Variants in SCNN1B observed in about 807,000 individuals in gnomAD.
SCNN1B encodes the protein epithelial sodium channel subunit beta.
In SCNN1B, 46 loss-of-function variants were observed where a neutral mutation model predicts 65.3. The observed-to-expected ratio is 0.70, with a 90% CI of 0.56 to 0.90. The LOEUF (loss-of-function observed/expected upper bound fraction) is 0.90, where lower values mean the gene tolerates loss of function less well. SCNN1B is among the 40% of genes least tolerant of loss of function. The pLI is 0.00. For synonymous variants in SCNN1B, 349 were observed against 330.6 expected, an observed-to-expected ratio of 1.06 and a Z score of -0.60; for missense variants, 751 against 830.5, an observed-to-expected ratio of 0.90 and a Z score of 1.18.
intron 7 of SCNN1B, among the ~76,000 whole-genome samples, chr16:23,373,227 G>A (rs546852259): frequency 2.1e-4 from 32 of 152,250 alleles, no homozygotes; most frequent in African/African-American, 7.2e-4. Context: ...CAAGCAATCC[G>A]CCTGCCTCAG....
chr16:23,355,393 T>G lies in SCNN1B; in HGVS notation c.680T>G (p.Phe227Cys). Reference protein sequence around the residue: ...EWYILQATNIFAQVPQQELVE... With the variant: ...EWYILQATNICAQVPQQELVE... Reference sequence around the variant, plus strand: ...TACATCCTGCAGGCCACCAACATCTTTGCACAGGTGCCACAGCAGGAGCTA... The same window carrying G: ...TACATCCTGCAGGCCACCAACATCTGTGCACAGGTGCCACAGCAGGAGCTA... The change falls in exon 4 of 13, where the codon TTT becomes TGT. Residue 227 changes from phenylalanine (F) to cysteine (C), a missense_variant. Physicochemically the swap from Phe to Cys is radical, Grantham distance 205. Transcript: ENST00000343070. The G allele has an allele frequency of 6.2e-7, 1 of 1,614,168 alleles. No homozygotes were observed. Among genetic ancestry groups the G allele is most frequent in the Non-Finnish European group, 8.5e-7 (1 of 1,180,028 alleles).
chr16:23,287,345 T>C (rs1244722219), intron 2 of SCNN1B, among the ~76,000 whole-genome samples: 2 of 151,964 alleles, frequency 1.3e-5, no homozygotes, highest in Non-Finnish European at 2.9e-5. Context: ...TATGATAAAA[T>C]GCAATTTGTG....
Position 23,371,098 on chromosome 16 carries a change from G to A in SCNN1B, c.881-201G>A, listed in dbSNP as rs139183149. Among the ~76,000 whole-genome samples, 1,030 of 152,316 alleles carry A rather than the reference G, an allele frequency of 6.8e-3. 2 individuals are homozygous for A. Among genetic ancestry groups the A allele is most frequent in the Non-Finnish European group, 0.012 (804 of 68,012 alleles). ...AAGAGACACCTAGGGAGGAGGCTAC[G>A]TAAGAGCCTGCCTTAGAGATGATGG... On this transcript the variant is annotated intron_variant, in intron 5 of 12. Transcript: ENST00000343070.
chr16:23,349,776 G>A (rs1042152856), intron 2 of SCNN1B, among the ~76,000 whole-genome samples: 3 of 151,974 alleles, frequency 2.0e-5, no homozygotes, highest in Non-Finnish European at 4.4e-5. Flanking sequence ...CACAAATATC[G>A]AATTCATCAT....
At chr16:23,279,187 C>T (rs1184444024) in intron 1 of SCNN1B, among the ~76,000 whole-genome samples, 1 of 152,004 alleles carries the variant, frequency 6.6e-6, no homozygotes, top group Non-Finnish European at 1.5e-5. Context: ...AGCAATTCTC[C>T]TGCCTCAACC....
chr16:23,379,035 G>A (rs550814186), intron 11 of SCNN1B, among the ~76,000 whole-genome samples: 13 of 146,660 alleles, frequency 8.9e-5, no homozygotes, highest in Middle Eastern at 3.3e-3. Context: ...ATCCACCCAC[G>A]CGCCCAGCCA....
intron 1 of SCNN1B, among the ~76,000 whole-genome samples, chr16:23,312,346 T>C (rs1199648768): frequency 6.6e-6 from 1 of 152,116 alleles, no homozygotes; most frequent in Non-Finnish European, 1.5e-5. Context: ...GGCTGTTTGT[T>C]TAACAGTTAA....
chr16:23,361,604 T>C (rs956044004), intron 4 of SCNN1B, among the ~76,000 whole-genome samples: 7 of 152,260 alleles, frequency 4.6e-5, no homozygotes, highest in Admixed American at 3.3e-4. Flanking sequence ...TTCCTTGTTA[T>C]CTATTCTCTT....
At chr16:23,291,835 C>T (rs1960929999) in intron 2 of SCNN1B, among the ~76,000 whole-genome samples, 1 of 151,772 alleles carries the variant, frequency 6.6e-6, no homozygotes, top group South Asian at 2.1e-4. Context: ...CCCACCTCGG[C>T]CTCCCAAAGT....
At position 23,348,952 on chromosome 16, in the gene SCNN1B, CG is replaced by C. The variant is rs1962250216; in HGVS notation, c.311+44del. On this transcript the variant is annotated intron_variant, in intron 2 of 12. Coordinates refer to ENST00000343070, the MANE Select transcript of SCNN1B (RefSeq NM_000336.3). This position sits in a 1 kb window ranked among gnomAD's most constrained non-coding sequence, Gnocchi z 4.5. ...TGCACAGCTGGCCTCAGCAGACAGGCGGTTCTCTTTCTCTCTTTTCTTCCCT... is the reference window on the plus strand; with the variant it reads ...TGCACAGCTGGCCTCAGCAGACAGGCGTTCTCTTTCTCTCTTTTCTTCCCT... 3 of 1,531,238 alleles carry C rather than the reference CG, an allele frequency of 2.0e-6. No individual in the cohort carries two copies. In the South Asian group the frequency reaches 3.4e-5, roughly 17 times the overall value. The allele number at this position is 1,531,238 out of a possible 1,614,324, so 94.9% of individuals were successfully genotyped here.
upstream of SCNN1B, among the ~76,000 whole-genome samples, chr16:23,301,182 G>A (rs906544033): frequency 6.6e-6 from 1 of 151,936 alleles, no homozygotes; most frequent in Non-Finnish European, 1.5e-5. Flanking sequence ...TGGCCAATAT[G>A]AAGAAAACCC....
At chr16:23,308,380 A>C (rs1428350799) in intron 1 of SCNN1B, among the ~76,000 whole-genome samples, 1 of 151,676 alleles carries the variant, frequency 6.6e-6, no homozygotes, top group Non-Finnish European at 1.5e-5. Context: ...AAAATTATCC[A>C]GGCATGGTGG....
At chr16:23,362,656 G>A (rs1962576031) in intron 4 of SCNN1B, among the ~76,000 whole-genome samples, 1 of 152,214 alleles carries the variant, frequency 6.6e-6, no homozygotes, top group African/African-American at 2.4e-5. Context: ...TGGGTGAAGA[G>A]TATTATCAAC....
intron 1 of SCNN1B, among the ~76,000 whole-genome samples, chr16:23,341,212 G>GTCT (rs1962049163): frequency 6.6e-6 from 1 of 152,086 alleles, no homozygotes; most frequent in African/African-American, 2.4e-5. Flanking sequence ...CAATTAAATG[G>GTCT]GAGAAAGAAT....
At chr16:23,321,899 C>T (rs1010580027) in intron 1 of SCNN1B, among the ~76,000 whole-genome samples, 11 of 152,046 alleles carry the variant, frequency 7.2e-5, no homozygotes, top group African/African-American at 2.2e-4. Context: ...GTGGTGTGCA[C>T]CTATAGTCCC....
At chr16:23,290,052 C>T (rs1368552551) in intron 2 of SCNN1B, among the ~76,000 whole-genome samples, 1 of 152,134 alleles carries the variant, frequency 6.6e-6, no homozygotes, top group Non-Finnish European at 1.5e-5. Flanking sequence ...GGGAAAACAA[C>T]AGACAATGGA....
intron 1 of SCNN1B, among the ~76,000 whole-genome samples, chr16:23,343,270 T>C (rs1232249793): frequency 7.0e-6 from 1 of 142,678 alleles, no homozygotes; most frequent in Non-Finnish European, 1.6e-5. Flanking sequence ...CTGACCAACA[T>C]GGATAAACCC....
At chr16:23,350,908 G>C (rs1962296215) in intron 2 of SCNN1B, among the ~76,000 whole-genome samples, 1 of 151,418 alleles carries the variant, frequency 6.6e-6, no homozygotes, top group Non-Finnish European at 1.5e-5. Context: ...GCAAGACCTT[G>C]TCTCAATTAA....
intron 2 of SCNN1B, among the ~76,000 whole-genome samples, chr16:23,292,671 T>G (rs1185369154): frequency 6.6e-6 from 1 of 151,900 alleles, no homozygotes; most frequent in Non-Finnish European, 1.5e-5. Context: ...GCCTGGCTAA[T>G]TTTTTGATTT....
Sources: allele counts gnomAD v4.1 joint callset (sites outside exome capture counted in the v4.1 genomes callset), GRCh38; gene constraint gnomAD v4.1.1; non-coding constraint Gnocchi (gnomAD v3.1); transcripts MANE v1.5; gene names NCBI Gene and HGNC (gene_info 2026-07-23, HGNC 2026-07-21).